RNF182: variants seen among roughly 807,000 people sequenced by gnomAD.
RNF182 encodes E3 ubiquitin-protein ligase RNF182.
In RNF182, 15 loss-of-function variants were observed where a neutral mutation model predicts 14.4. The ratio of observed to expected loss-of-function variants is 1.04; its 90% CI spans 0.70 to 1.60. RNF182 has a LOEUF of 1.60. Ranked by LOEUF, RNF182 falls within the 40% of genes most tolerant of loss-of-function variation. The pLI, the probability that RNF182 is intolerant of heterozygous loss-of-function variation, is 0.00. For missense variants in RNF182, 268 were observed against 294.8 expected (o/e 0.91, Z 0.67); for synonymous variants, 128 against 122.9 (o/e 1.04, Z -0.27).
intron 1 of RNF182, among the ~76,000 whole-genome samples, chr6:13,964,749 T>G (rs1759974494): frequency 6.6e-6 from 1 of 152,106 alleles, no homozygotes; most frequent in South Asian, 2.1e-4. Context: ...GAACTTGACC[T>G]ACAGAGGGTG....
At position 13,979,354 on chromosome 6, in the gene RNF182, C is replaced by G. The variant is rs1286269097; in HGVS notation, c.*1491C>G. The stretch of plus-strand genomic sequence containing the variant: ...GATTAACATTAAAATATTTGTAACT[C>G]TTAGAAAGGGGGCATTACTAAGACG... On this transcript the variant is annotated 3_prime_UTR_variant, in exon 3 of 3. Transcript: ENST00000488300. 1 of 166,930 alleles carries G rather than the reference C, an allele frequency of 6.0e-6. No homozygotes were observed. The highest frequency in any genetic ancestry group is 2.4e-5 in the African/African-American group (1 of 41,436). The allele number at this position is 166,930 out of a possible 1,614,324, so 10.3% of individuals were successfully genotyped here. A position where few individuals can be genotyped will look rare whatever the true frequency, so the allele number is the denominator to read the frequency against.
chr6:13,924,947 T>G (rs1167307177), upstream of RNF182: 1 of 114,684 alleles, frequency 8.7e-6, no homozygotes, highest in Non-Finnish European at 1.9e-5. Flanking sequence ...GAGCTCCTCC[T>G]CCACGGGAAC....
At chr6:13,933,613 T>C (rs1035148720) in intron 1 of RNF182, among the ~76,000 whole-genome samples, 1 of 152,208 alleles carries the variant, frequency 6.6e-6, no homozygotes, top group Non-Finnish European at 1.5e-5. Flanking sequence ...ATGTAATCAA[T>C]ATAAAAATTA....
chr6:13,931,924 A>G (rs1007140656), intron 1 of RNF182, among the ~76,000 whole-genome samples: 1 of 152,168 alleles, frequency 6.6e-6, no homozygotes. Context: ...GTGCCCTTAT[A>G]AAAGAGACCC....
chr6:13,928,258 C>G (rs916372608), intron 1 of RNF182, among the ~76,000 whole-genome samples: 2 of 152,114 alleles, frequency 1.3e-5, no homozygotes, highest in African/African-American at 4.8e-5. Flanking sequence ...GATTGTTTTC[C>G]TGATGTGCCA....
At chr6:13,952,670 TCC>T (rs1759626461) in intron 1 of RNF182, among the ~76,000 whole-genome samples, 1 of 151,648 alleles carries the variant, frequency 6.6e-6, no homozygotes, top group African/African-American at 2.4e-5. Flanking sequence ...TGGAAAGGGG[TCC>T]CAGTCCAGAC....
At chr6:13,962,133 T>C (rs147977383) in intron 1 of RNF182, among the ~76,000 whole-genome samples, 52 of 152,338 alleles carry the variant, frequency 3.4e-4, no homozygotes, top group Non-Finnish European at 5.9e-5. Flanking sequence ...CAACATATTA[T>C]TGTTAGTAAT....
intron 1 of RNF182, among the ~76,000 whole-genome samples, chr6:13,943,802 C>T (rs1193366826): frequency 6.6e-6 from 1 of 152,166 alleles, no homozygotes; most frequent in Non-Finnish European, 1.5e-5. Flanking sequence ...CGGAGCTTAA[C>T]TGAACTGAAC....
intron 1 of RNF182, among the ~76,000 whole-genome samples, chr6:13,972,873 G>T (rs1760229146): frequency 6.6e-6 from 1 of 152,226 alleles, no homozygotes; most frequent in Non-Finnish European, 1.5e-5. Flanking sequence ...CCCACACTGA[G>T]TCCCCACTGG....
At chr6:13,966,840 G>T (rs538877312) in intron 1 of RNF182, among the ~76,000 whole-genome samples, 3 of 148,548 alleles carry the variant, frequency 2.0e-5, no homozygotes, top group African/African-American at 7.5e-5. Flanking sequence ...GCGTGTGTGT[G>T]TGTGTGTGTG....
At chr6:13,963,652 C>G (rs1759936674) in intron 1 of RNF182, among the ~76,000 whole-genome samples, 1 of 152,186 alleles carries the variant, frequency 6.6e-6, no homozygotes, top group Non-Finnish European at 1.5e-5. Flanking sequence ...GAGAGGCTAG[C>G]CTGGGCTTCT....
At chr6:13,954,778 C>G (rs1004277220) in intron 1 of RNF182, among the ~76,000 whole-genome samples, 21 of 152,180 alleles carry the variant, frequency 1.4e-4, no homozygotes, top group African/African-American at 4.8e-4. Context: ...TTTTAACTAA[C>G]TACATCCCCA....
At chr6:13,972,622 G>A in intron 1 of RNF182, among the ~76,000 whole-genome samples, 1 of 152,198 alleles carries the variant, frequency 6.6e-6, no homozygotes, top group Non-Finnish European at 1.5e-5. Context: ...GCTAAAAGGG[G>A]TCAATGTACA....
At chr6:13,958,095 C>G (rs1435958314) in intron 1 of RNF182, among the ~76,000 whole-genome samples, 1 of 151,846 alleles carries the variant, frequency 6.6e-6, no homozygotes, top group Non-Finnish European at 1.5e-5. Context: ...GGAAGTTCAT[C>G]TGATTTGATA....
At chr6:13,967,903 C>G (rs1760075537) in intron 1 of RNF182, among the ~76,000 whole-genome samples, 1 of 152,046 alleles carries the variant, frequency 6.6e-6, no homozygotes, top group Non-Finnish European at 1.5e-5. Flanking sequence ...GGTCAAATCA[C>G]AAGCCATCTA....
chr6:13,965,598 A>G lies in RNF182; in HGVS notation c.-366-8612A>G, dbSNP rs534456297. Among the ~76,000 whole-genome samples, 3 of 152,338 alleles carry G rather than the reference A, an allele frequency of 2.0e-5. No homozygotes were observed. The South Asian group carries it at 6.2e-4, about 32-fold the overall frequency. Reference sequence around the variant, plus strand: ...TTCTAGACAGAGCAAATTACTTACCATGAAGAAGTATCACACTAGCAGCAG... The same window carrying G: ...TTCTAGACAGAGCAAATTACTTACCGTGAAGAAGTATCACACTAGCAGCAG... On this transcript the variant is annotated intron_variant, in intron 1 of 2. Transcript: ENST00000488300.
At chr6:13,926,179 A>G (rs1181432967) in intron 1 of RNF182, among the ~76,000 whole-genome samples, 2 of 152,224 alleles carry the variant, frequency 1.3e-5, no homozygotes, top group Non-Finnish European at 2.9e-5. Context: ...TAGTAAAATA[A>G]TGTATAAGTT....
intron 1 of RNF182, among the ~76,000 whole-genome samples, chr6:13,956,274 G>C (rs546036092): frequency 5.4e-5 from 8 of 148,558 alleles, no homozygotes; most frequent in Admixed American, 2.7e-4. Flanking sequence ...GCTGCACACT[G>C]TCTCTGCTTT....
At chr6:13,928,740 A>G (rs1368451453) in intron 1 of RNF182, among the ~76,000 whole-genome samples, 1 of 152,166 alleles carries the variant, frequency 6.6e-6, no homozygotes, top group African/African-American at 2.4e-5. Context: ...GTATCTTATA[A>G]TCGGTTGAAG....
Sources: gnomAD v4.1 joint callset for allele counts (sites outside exome capture counted in the v4.1 genomes callset) on GRCh38, gnomAD v4.1.1 for gene constraint, MANE v1.5 for transcripts, NCBI Gene and HGNC (gene_info 2026-07-23, HGNC 2026-07-21) for gene names.